The following MYO16 variants were observed in gnomAD, a reference collection of about 807,000 sequenced individuals.
MYO16 encodes the protein myosin XVI.
In MYO16, 94 loss-of-function variants were observed where a neutral mutation model predicts 205.3. The observed-to-expected ratio is 0.46, with a 90% CI of 0.39 to 0.54. The LOEUF is 0.54. MYO16 is among the 20% of genes least tolerant of loss of function. The pLI is 0.00. For missense variants in MYO16, 2,315 were observed against 2,387.5 expected, an observed-to-expected ratio of 0.97 and a Z score of 0.63; for synonymous variants, 988 against 954.0, an observed-to-expected ratio of 1.04 and a Z score of -0.66.
At chr13:108,666,290 AT>A in intron 2 of MYO16, 141 bp downstream of exon 2, 1 of 969,468 alleles carries the variant, frequency 1.0e-6, no homozygotes, top group Non-Finnish European at 1.5e-6. Flanking sequence ...AACTGTTTGT[AT>A]TATTCAAGAA....
intron 1 of MYO16, among the ~76,000 whole-genome samples, chr13:108,601,217 C>T (rs1190269611): frequency 6.6e-6 from 1 of 152,032 alleles, no homozygotes; most frequent in Non-Finnish European, 1.5e-5. Flanking sequence ...AAAGTAACAT[C>T]TAGTATTTGA....
At chr13:108,763,787 T>TGTGTGTG (rs1555345030) in intron 4 of MYO16, among the ~76,000 whole-genome samples, 1 of 142,536 alleles carries the variant, frequency 7.0e-6, no homozygotes, top group East Asian at 2.1e-4. Context: ...AGAAAAGGAG[T>TGTGTGTG]TGTGTGTGTG....
At chr13:109,031,202 C>T (rs1222726633) in intron 23 of MYO16, among the ~76,000 whole-genome samples, 1 of 152,102 alleles carries the variant, frequency 6.6e-6, no homozygotes, top group African/African-American at 2.4e-5. Context: ...AGCGATTCTT[C>T]AGCCTCAGCC....
intron 21 of MYO16, among the ~76,000 whole-genome samples, chr13:109,008,026 T>C (rs1311670926): frequency 6.6e-6 from 1 of 152,204 alleles, no homozygotes; most frequent in African/African-American, 2.4e-5. Flanking sequence ...TGCTCAAATA[T>C]ATTTGAGACT....
At chr13:109,085,804 C>A (rs988389972) in intron 27 of MYO16, among the ~76,000 whole-genome samples, 10 of 152,070 alleles carry the variant, frequency 6.6e-5, no homozygotes, top group Non-Finnish European at 1.5e-4. Context: ...CAGGGAACAA[C>A]CAAGTGTGGA....
At chr13:108,582,559 C>G in the MYO16 span, among the ~76,000 whole-genome samples, 1 of 152,274 alleles carries the variant, frequency 6.6e-6, no homozygotes, top group African/African-American at 2.4e-5. Flanking sequence ...TGTAAGTTCC[C>G]GGAAGCAGTG....
chr13:108,979,960 A>T (rs994203310), intron 20 of MYO16, among the ~76,000 whole-genome samples: 10 of 152,194 alleles, frequency 6.6e-5, no homozygotes, highest in African/African-American at 2.4e-4. Context: ...GTTAAATTTA[A>T]ATATTAATCA....
the MYO16 span, among the ~76,000 whole-genome samples, chr13:108,551,335 C>G: frequency 6.6e-6 from 1 of 152,234 alleles, no homozygotes; most frequent in Admixed American, 6.5e-5. Flanking sequence ...TAAAGTTGAA[C>G]TGGCTCCCAA....
At chr13:108,543,366 C>T in the MYO16 span, among the ~76,000 whole-genome samples, 2 of 152,118 alleles carry the variant, frequency 1.3e-5, no homozygotes, top group Admixed American at 6.5e-5. Flanking sequence ...AATCCCAGGC[C>T]GGGCTCAGTG....
intron 27 of MYO16, among the ~76,000 whole-genome samples, chr13:109,082,183 A>G (rs746919685): frequency 3.3e-5 from 5 of 152,160 alleles, no homozygotes; most frequent in African/African-American, 4.8e-5. Context: ...GATTTATAGA[A>G]TATTATCAGC....
intron 34 of MYO16, among the ~76,000 whole-genome samples, chr13:109,195,389 A>G (rs184882499): frequency 6.6e-6 from 1 of 152,256 alleles, no homozygotes; most frequent in African/African-American, 2.4e-5. Flanking sequence ...CACAAGTGCT[A>G]TTTTGACTTT....
chr13:108,893,372 T>G (rs1880258631), intron 14 of MYO16, among the ~76,000 whole-genome samples: 2 of 151,880 alleles, frequency 1.3e-5, no homozygotes, highest in Admixed American at 1.3e-4. Context: ...TAAGCAAAAC[T>G]ATTTCCTGTC....
chr13:108,696,258 T>G (rs1883086070), intron 2 of MYO16, among the ~76,000 whole-genome samples: 1 of 152,194 alleles, frequency 6.6e-6, no homozygotes, highest in African/African-American at 2.4e-5. Context: ...AATGATTGCA[T>G]GATTTTACAA....
Position 108,659,247 on chromosome 13 carries a change from A to C in MYO16, c.29-6639A>C, listed in dbSNP as rs7490553. ...ATATGATATATATATGCTATATATG[A>C]TATATATGATATATATATATCATAT... On this transcript the variant is annotated intron_variant, in intron 1 of 34. Coordinates refer to ENST00000457511, the MANE Select transcript of MYO16 (RefSeq NM_001198950.3). The C allele has an allele frequency of 6.2e-5, 10 of 161,776 alleles. No individual in the cohort carries two copies. The East Asian group carries it at 7.0e-4, about 11-fold the overall frequency. 10.0% of individuals were successfully genotyped at this position (161,776 alleles called of 1,614,324 possible). A position where few individuals can be genotyped will look rare whatever the true frequency, so the allele number is the denominator to read the frequency against.
chr13:108,855,571 T>G lies in MYO16; in HGVS notation c.1359+18T>G, dbSNP rs1878126195. 6.7e-7 allele frequency: 1 copy of G among 1,493,652 alleles called. No homozygotes were observed. The highest frequency in any genetic ancestry group is 1.8e-5 in the Admixed American group (1 of 57,094). The allele number at this position is 1,493,652 out of a possible 1,614,324, so 92.5% of individuals were successfully genotyped here. On this transcript the variant is annotated intron_variant, in intron 11 of 34. Coordinates refer to ENST00000457511, the MANE Select transcript of MYO16 (RefSeq NM_001198950.3). ...AGATCTATGTGAGTGCCCTGGAAAT[T>G]GCCTTTTGCACTGTTTTTCTCTTGC...
intron 20 of MYO16, among the ~76,000 whole-genome samples, chr13:108,971,876 T>C (rs1296269570): frequency 6.6e-6 from 1 of 151,884 alleles, no homozygotes; most frequent in Non-Finnish European, 1.5e-5. Context: ...TAGGAGAGTA[T>C]CTGACACAAT....
At chr13:108,602,852 A>G (rs879837895) in intron 1 of MYO16, among the ~76,000 whole-genome samples, 3 of 152,152 alleles carry the variant, frequency 2.0e-5, no homozygotes, top group South Asian at 2.1e-4. Flanking sequence ...AATGAATTTG[A>G]GGCAAAACTA....
At chr13:108,906,401 C>T (rs1036490577) in intron 15 of MYO16, among the ~76,000 whole-genome samples, 4 of 152,116 alleles carry the variant, frequency 2.6e-5, no homozygotes, top group Non-Finnish European at 5.9e-5. Flanking sequence ...AAAATTACTG[C>T]AAATGAAATG....
chr13:109,157,099 G>A (rs887212792), intron 32 of MYO16, among the ~76,000 whole-genome samples: 26 of 151,764 alleles, frequency 1.7e-4, no homozygotes, highest in African/African-American at 4.6e-4. Context: ...CAGTTCTCCC[G>A]CTCAGTGGGA....
Sources: allele counts gnomAD v4.1 joint callset (sites outside exome capture counted in the v4.1 genomes callset), GRCh38; gene constraint gnomAD v4.1.1; transcripts MANE v1.5; gene names NCBI Gene and HGNC (gene_info 2026-07-23, HGNC 2026-07-21).